The following DLG2 variants were observed in gnomAD, a reference collection of about 807,000 sequenced individuals.
The protein encoded by DLG2 is discs large MAGUK scaffold protein 2, also known as disks large homolog 2.
Under a neutral mutation model 132.5 loss-of-function variants are expected in DLG2, and 45 were observed. That is an observed-to-expected ratio of 0.34 (90% CI 0.27 to 0.44). The LOEUF is 0.44. Among genes scored for constraint, DLG2 ranks in the 20% least tolerant of loss-of-function variants. The pLI, the probability that DLG2 is intolerant of heterozygous loss-of-function variation, is 1.00. For missense variants in DLG2, 1,045 were observed against 1,196.9 expected (o/e 0.87, Z 1.87); for synonymous variants, 424 against 419.6 (o/e 1.01, Z -0.13).
At chr11:84,152,792 G>GT (rs1181612778) in intron 9 of DLG2, among the ~76,000 whole-genome samples, 2 of 152,144 alleles carry the variant, frequency 1.3e-5, no homozygotes, top group Non-Finnish European at 2.9e-5. Flanking sequence ...CTTGGGTCTT[G>GT]TTTTTTTATC....
intron 6 of DLG2, among the ~76,000 whole-genome samples, chr11:84,844,133 GTGTATATA>G (rs1213861676): frequency 5.2e-3 from 136 of 25,990 alleles, no homozygotes; most frequent in African/African-American, 0.016. Context: ...GTGTGTGTGT[GTGTATATA>G]TATATATATA....
At chr11:84,554,764 T>A (rs1182262841) in intron 6 of DLG2, among the ~76,000 whole-genome samples, 3 of 151,556 alleles carry the variant, frequency 2.0e-5, no homozygotes, top group Non-Finnish European at 2.9e-5. Flanking sequence ...ATAATAATAA[T>A]GAAGGAAATA....
At chr11:84,000,846 G>T (rs2094309435) in intron 11 of DLG2, among the ~76,000 whole-genome samples, 1 of 152,072 alleles carries the variant, frequency 6.6e-6, no homozygotes, top group Non-Finnish European at 1.5e-5. Context: ...AGCTCTATAA[G>T]AAATGCTCAA....
At chr11:83,946,085 G>T (rs2083867873) in intron 14 of DLG2, among the ~76,000 whole-genome samples, 1 of 150,232 alleles carries the variant, frequency 6.7e-6, no homozygotes, top group African/African-American at 2.5e-5. Flanking sequence ...TGACTCCCAG[G>T]TTCTAGCAAT....
At chr11:85,132,021 A>C (rs139199899) in intron 5 of DLG2, among the ~76,000 whole-genome samples, 137 of 152,294 alleles carry the variant, frequency 9.0e-4, no homozygotes, top group Middle Eastern at 3.4e-3. Context: ...TATCTATTCA[A>C]ATAATCAGTG....
intron 11 of DLG2, among the ~76,000 whole-genome samples, chr11:84,032,428 C>T (rs2095727476): frequency 6.6e-6 from 1 of 152,170 alleles, no homozygotes; most frequent in Non-Finnish European, 1.5e-5. Context: ...AAGCCTAACC[C>T]AGAGCAAGGC....
intron 6 of DLG2, among the ~76,000 whole-genome samples, chr11:84,930,750 G>A (rs578138966): frequency 6.6e-6 from 1 of 151,894 alleles, no homozygotes; most frequent in African/African-American, 2.4e-5. Flanking sequence ...TTCTCTCTTC[G>A]TGATCCTCCT....
chr11:84,373,369 A>G (rs2098716718), intron 7 of DLG2, among the ~76,000 whole-genome samples: 2 of 151,688 alleles, frequency 1.3e-5, no homozygotes, highest in African/African-American at 4.8e-5. Context: ...CAGGAGTTCG[A>G]GACCAGCCTG....
intron 3 of DLG2, among the ~76,000 whole-genome samples, chr11:85,505,428 G>T (rs113248850): frequency 0.036 from 5,419 of 152,268 alleles, 141 homozygotes; most frequent in Middle Eastern, 0.075. Flanking sequence ...TTCTTAGCAT[G>T]AAGGGCTGTT....
In DLG2 at chr11:84,264,960, G is replaced by C. The variant is rs150365702; in HGVS notation, c.520-13669C>G. On this transcript the variant is annotated intron_variant, in intron 7 of 27. Coordinates refer to ENST00000376104, the MANE Select transcript of DLG2 (RefSeq NM_001142699.3). ...CTAAGGTTATATACAACTATAATGA[G>C]AATCGTATGATTCCTGATTTTAATA... 2.0e-5 allele frequency among the ~76,000 whole-genome samples: 3 copies of C among 152,180 alleles called. No homozygotes were observed. The East Asian group carries it at 5.8e-4, about 29-fold the overall frequency.
At chr11:85,424,789 C>A (rs1037763804) in intron 3 of DLG2, among the ~76,000 whole-genome samples, 3 of 152,072 alleles carry the variant, frequency 2.0e-5, no homozygotes, top group Non-Finnish European at 4.4e-5. Context: ...TCTACAATGA[C>A]AATGTGAGGA....
At chr11:85,522,883 T>C (rs2074426850) in intron 3 of DLG2, among the ~76,000 whole-genome samples, 1 of 152,194 alleles carries the variant, frequency 6.6e-6, no homozygotes, top group Admixed American at 6.5e-5. Flanking sequence ...TTGCCTTATC[T>C]CAGATGAAAC....
chr11:84,662,226 C>T (rs1008445647), intron 6 of DLG2, among the ~76,000 whole-genome samples: 8 of 133,700 alleles, frequency 6.0e-5, no homozygotes, highest in Non-Finnish European at 9.3e-5. Context: ...GAGTTTCACT[C>T]TTGTTGCCCA....
chr11:84,851,838 A>C (rs2082203030), intron 6 of DLG2, among the ~76,000 whole-genome samples: 1 of 151,826 alleles, frequency 6.6e-6, no homozygotes, highest in Admixed American at 6.6e-5. Flanking sequence ...ATTATATTCT[A>C]TATATGTTAA....
chr11:84,967,278 G>C (rs1169109745), intron 6 of DLG2, among the ~76,000 whole-genome samples: 1 of 152,036 alleles, frequency 6.6e-6, no homozygotes, highest in African/African-American at 2.4e-5. Context: ...AATTGGAAAG[G>C]TCATTTCATA....
intron 6 of DLG2, chr11:84,546,759 C>T (rs920987475): frequency 5.3e-6 from 2 of 376,210 alleles, no homozygotes; most frequent in Admixed American, 5.9e-5. Context: ...GCTCTTCAGA[C>T]TCTCATGGGT....
At position 84,471,989 on chromosome 11, in the gene DLG2, T is replaced by C. The variant is rs142826340; in HGVS notation, c.519+62581A>G. ...AAAAAAAAAGAAAGATAAAAGAGGT[T>C]TTAAAAATCACAACTGTCATGAAAA... On this transcript the variant is annotated intron_variant, in intron 7 of 27. Transcript: ENST00000376104. Among the ~76,000 whole-genome samples the C allele has an allele frequency of 5.0e-4, 76 of 151,998 alleles. No homozygotes were observed. The East Asian group carries it at 0.014, about 27-fold the overall frequency.
intron 7 of DLG2, among the ~76,000 whole-genome samples, chr11:84,376,360 T>G (rs1239841201): frequency 6.6e-6 from 1 of 151,900 alleles, no homozygotes; most frequent in Non-Finnish European, 1.5e-5. Flanking sequence ...GATGAAATAT[T>G]AAAAATAAAT....
At chr11:84,463,424 G>C (rs998271575) in intron 7 of DLG2, among the ~76,000 whole-genome samples, 3 of 151,084 alleles carry the variant, frequency 2.0e-5, no homozygotes, top group Non-Finnish European at 4.5e-5. Flanking sequence ...GCCTCTTGTA[G>C]GTTGGTCATA....
Sources: gnomAD v4.1 joint callset for allele counts (sites outside exome capture counted in the v4.1 genomes callset) on GRCh38, gnomAD v4.1.1 for gene constraint, MANE v1.5 for transcripts, NCBI Gene and HGNC (gene_info 2026-07-23, HGNC 2026-07-21) for gene names.